FAM153A: variants seen among roughly 807,000 people sequenced by gnomAD.
FAM153A encodes the protein protein FAM153A.
FAM153A carries 12 observed loss-of-function variants against 48.1 expected under a neutral mutation model. The ratio of observed to expected loss-of-function variants is 0.25; its 90% CI spans 0.16 to 0.40. FAM153A has a LOEUF of 0.40. Among genes scored for constraint, FAM153A ranks in the 10% least tolerant of loss-of-function variants. The probability of loss-of-function intolerance (pLI) is 1.00; values close to 1 mark genes in which losing one functional copy is unlikely to be tolerated. For missense variants in FAM153A, 111 were observed against 345.8 expected, an observed-to-expected ratio of 0.32 and a Z score of 5.38; for synonymous variants, 36 against 118.2, an observed-to-expected ratio of 0.30 and a Z score of 4.51.
At position 177,765,166 on chromosome 5, in the gene FAM153A, T is replaced by G. The variant is rs1232738002; in HGVS notation, c.-57+15283A>C. ...CCCAATGTGGAAAGCTATAAATACC[T>G]GATGTGGGCTCAGGAGAACAGCCTT... On this transcript the variant is annotated intron_variant, in intron 1 of 8. Transcript: ENST00000393518. 2.0e-5 allele frequency among the ~76,000 whole-genome samples: 2 copies of G among 98,204 alleles called. 1 individual carries two copies. The highest frequency in any genetic ancestry group is 4.2e-5 in the Non-Finnish European group (2 of 47,180). The allele number at this position is 98,204 out of a possible 152,430, so 64.4% of individuals were successfully genotyped here.
downstream of FAM153A, among the ~76,000 whole-genome samples, chr5:177,705,342 C>T (rs1303006722): frequency 1.4e-5 from 2 of 143,168 alleles, no homozygotes; most frequent in African/African-American, 5.3e-5. Context: ...CCCCCACCCC[C>T]TCTTCCTTCT....
the FAM153A span, among the ~76,000 whole-genome samples, chr5:177,701,204 G>A: frequency 6.6e-6 from 1 of 151,858 alleles, no homozygotes; most frequent in East Asian, 1.9e-4. Context: ...CCCAGAAGCA[G>A]AAGCCACTAT....
downstream of FAM153A, among the ~76,000 whole-genome samples, chr5:177,707,347 C>A (rs184112168): frequency 4.0e-5 from 6 of 151,648 alleles, no homozygotes; most frequent in African/African-American, 1.5e-4. Flanking sequence ...CTTCTCAGAC[C>A]AAAGAGAAAC....
chr5:177,746,770 G>A (rs896763614), intron 4 of FAM153A, among the ~76,000 whole-genome samples: 15 of 151,790 alleles, frequency 9.9e-5, no homozygotes, highest in Non-Finnish European at 1.6e-4. Context: ...TTACCCAGCT[G>A]TGCAGAGATT....
chr5:177,729,518 C>G, exon 17 of FAM153A: 2 of 1,608,822 alleles, frequency 1.2e-6, no homozygotes, highest in South Asian at 1.1e-5. Flanking sequence ...CAGAGACTGT[C>G]TGCTCTGGCA....
downstream of FAM153A, among the ~76,000 whole-genome samples, chr5:177,705,297 C>G (rs1301030772): frequency 6.6e-6 from 1 of 151,258 alleles, no homozygotes; most frequent in Non-Finnish European, 1.5e-5. Context: ...GAGTGAGACT[C>G]CGTCTCAAAC....
the FAM153A span, among the ~76,000 whole-genome samples, chr5:177,700,068 A>G: frequency 2.6e-5 from 4 of 152,050 alleles, no homozygotes; most frequent in African/African-American, 7.3e-5. Flanking sequence ...GAAAATCAAT[A>G]TAATACACCA....
chr5:177,756,473 G>T (rs1767744539), upstream of FAM153A, among the ~76,000 whole-genome samples: 1 of 140,320 alleles, frequency 7.1e-6, no homozygotes, highest in Non-Finnish European at 1.6e-5. Flanking sequence ...ACTCAGCTCT[G>T]CACCAAGCAG....
chr5:177,746,676 G>C (rs1766062942), intron 4 of FAM153A, among the ~76,000 whole-genome samples: 1 of 149,904 alleles, frequency 6.7e-6, no homozygotes, highest in South Asian at 2.1e-4. Flanking sequence ...GTGTCATGGG[G>C]CCCGCTGTTG....
In FAM153A at chr5:177,715,865, G is replaced by A. The variant is rs1759642341; in HGVS notation, c.*1222+480C>T. On this transcript the variant is annotated intron_variant and NMD_transcript_variant, in intron 25 of 26. Coordinates refer to the FAM153A transcript ENST00000360669. ...TTTTAAATTTTTTTTTGTAGAAACG[G>A]GGTCTTGCTATTGTTGCCTAGGCTG... 1.3e-5 allele frequency among the ~76,000 whole-genome samples: 2 copies of A among 151,604 alleles called. 1 individual carries two copies. The highest frequency in any genetic ancestry group is 4.9e-5 in the African/African-American group (2 of 40,974).
chr5:177,723,041 TC>T (rs1761454594), downstream of FAM153A: 1 of 144,400 alleles, frequency 6.9e-6, no homozygotes, highest in South Asian at 2.3e-4. Context: ...ATGCATAGCT[TC>T]CTGGAGAAGA....
rs1443417019 is a variant in FAM153A, at chr5:177,739,116, T to C, written c.559A>G (p.Asn187Asp). The change falls in exon 10 of 21, where the codon AAC (asparagine) becomes GAC (aspartate). Residue 187 changes from asparagine (N) to aspartate (D), a missense_variant. Physicochemically the swap from Asn to Asp is conservative, Grantham distance 23 (BLOSUM62 1). Transcript: ENST00000614127. ...AAGGTGATCCCAGAATACATACCGT[T>C]GGTTTGGGTGCCTGCGTCTGCCTGC... 2.5e-6 allele frequency: 4 copies of C among 1,612,798 alleles called. No individual in the cohort carries two copies. In the Admixed American group the frequency reaches 6.7e-5, roughly 27 times the overall value.
chr5:177,710,231 G>A (rs1216590218), downstream of FAM153A, among the ~76,000 whole-genome samples: 2 of 150,982 alleles, frequency 1.3e-5, no homozygotes, highest in Admixed American at 6.6e-5. Context: ...TTCTGCCTCA[G>A]CCTCCCAGGT....
upstream of FAM153A, among the ~76,000 whole-genome samples, chr5:177,753,713 C>T (rs1767346644): frequency 6.7e-6 from 1 of 149,704 alleles, no homozygotes; most frequent in South Asian, 2.1e-4. Flanking sequence ...ATTTTAAAGC[C>T]AATCTCTAAC....
At chr5:177,759,782 G>A (rs1034118818) in intron 1 of FAM153A, among the ~76,000 whole-genome samples, 1 of 151,044 alleles carries the variant, frequency 6.6e-6, no homozygotes, top group African/African-American at 2.5e-5. Flanking sequence ...CATGCACACA[G>A]GAAGGGGAGC....
At chr5:177,758,356 C>A (rs1325187971) in intron 1 of FAM153A, among the ~76,000 whole-genome samples, 2 of 142,274 alleles carry the variant, frequency 1.4e-5, no homozygotes, top group Non-Finnish European at 3.2e-5. Flanking sequence ...ACATTCCATG[C>A]TCATGGGTAG....
chr5:177,724,489 C>G, intron 19 of FAM153A, 127 bp from the exon 22 acceptor site: 6 of 692,030 alleles, frequency 8.7e-6, no homozygotes, highest in Non-Finnish European at 1.5e-5. Flanking sequence ...TGGGGTCCAG[C>G]TCTTCTGACC....
chr5:177,765,665 G>T (rs1415421138), intron 1 of FAM153A, among the ~76,000 whole-genome samples: 6 of 124,194 alleles, frequency 4.8e-5, no homozygotes, highest in Non-Finnish European at 5.3e-5. Context: ...CAGGTCATCT[G>T]GGGCCAATGA....
intron 24 of FAM153A, chr5:177,716,450 A>G (rs1212722853): frequency 1.3e-5 from 2 of 151,858 alleles, no homozygotes; most frequent in Admixed American, 1.3e-4. Flanking sequence ...GCTTTACTTT[A>G]TAGTTACACA....
Sources: gnomAD v4.1 joint callset for allele counts (sites outside exome capture counted in the v4.1 genomes callset) on GRCh38, gnomAD v4.1.1 for gene constraint, MANE v1.5 for transcripts, NCBI Gene and HGNC (gene_info 2026-07-23, HGNC 2026-07-21) for gene names.